Variants in OPCML observed in about 807,000 individuals in gnomAD.
OPCML encodes the protein opioid binding protein/cell adhesion molecule like.
Under a neutral mutation model 37.8 loss-of-function variants are expected in OPCML, and 13 were observed. The ratio of observed to expected loss-of-function variants is 0.34; its 90% CI spans 0.22 to 0.55. The LOEUF (loss-of-function observed/expected upper bound fraction) is 0.55, where lower values mean the gene tolerates loss of function less well. OPCML is among the 20% of genes least tolerant of loss of function. The pLI is 0.91. For synonymous variants in OPCML, 176 were observed against 168.8 expected (o/e 1.04, Z -0.33); for missense variants, 341 against 435.6 (o/e 0.78, Z 1.93).
chr11:132,970,595 T>C (rs1946319969), intron 1 of OPCML, among the ~76,000 whole-genome samples: 1 of 152,288 alleles, frequency 6.6e-6, no homozygotes, highest in Non-Finnish European at 1.5e-5. Context: ...ACTTTACTTT[T>C]TTTCCAGCTA....
chr11:132,773,201 A>G (rs1168209683), intron 2 of OPCML: 1 of 152,164 alleles, frequency 6.6e-6, no homozygotes, highest in Non-Finnish European at 1.5e-5. Context: ...TCCACTCAGC[A>G]GTGCTGAGAT....
intron 3 of OPCML, among the ~76,000 whole-genome samples, chr11:132,538,333 C>T (rs1175792490): frequency 6.6e-6 from 1 of 152,098 alleles, no homozygotes; most frequent in Non-Finnish European, 1.5e-5. Flanking sequence ...TGATTCCATT[C>T]ATGTAGGATA....
chr11:133,092,258 A>C (rs1260788677), intron 1 of OPCML, among the ~76,000 whole-genome samples: 2 of 152,218 alleles, frequency 1.3e-5, no homozygotes, highest in African/African-American at 4.8e-5. Flanking sequence ...TGTGAGAAAT[A>C]AATGTCTGTT....
At position 133,277,900 on chromosome 11, in the gene OPCML, C is replaced by T. The variant is rs147495638; in HGVS notation, c.61+254364G>A. Among the ~76,000 whole-genome samples, 8 of 152,196 alleles carry T rather than the reference C, an allele frequency of 5.3e-5. No homozygotes were observed. In the East Asian group the frequency reaches 5.8e-4, roughly 11 times the overall value. ...GGGAGGAAAATGAGACTAGGAGACA[C>T]GGAGTAACTAGTTGCCCAAGGTCAC... is the stretch of plus-strand genomic sequence containing the variant. On this transcript the variant is annotated intron_variant, in intron 1 of 7. Transcript: ENST00000524381.
chr11:132,820,849 G>A (rs118030154), intron 2 of OPCML, among the ~76,000 whole-genome samples: 43 of 152,166 alleles, frequency 2.8e-4, no homozygotes, highest in Middle Eastern at 3.4e-3. Flanking sequence ...TTCTTTCCCC[G>A]CACCTCCTCC....
intron 1 of OPCML, among the ~76,000 whole-genome samples, chr11:133,460,497 A>C (rs984903123): frequency 6.6e-6 from 1 of 151,880 alleles, no homozygotes; most frequent in Non-Finnish European, 1.5e-5. Flanking sequence ...AAGACAAAAA[A>C]ATCAGCATGG....
chr11:132,608,462 G>A (rs1186230020), intron 3 of OPCML, among the ~76,000 whole-genome samples: 1 of 152,190 alleles, frequency 6.6e-6, no homozygotes, highest in African/African-American at 2.4e-5. Context: ...TTTTAATTAA[G>A]TAAGGCTTTA....
intron 1 of OPCML, among the ~76,000 whole-genome samples, chr11:133,095,408 G>T (rs1565444760): frequency 6.8e-6 from 1 of 146,510 alleles, no homozygotes; most frequent in Non-Finnish European, 1.5e-5. Flanking sequence ...TTTGAGTTAT[G>T]GGAAGGAATT....
At chr11:133,261,354 C>T (rs144287654) in intron 1 of OPCML, among the ~76,000 whole-genome samples, 7 of 152,306 alleles carry the variant, frequency 4.6e-5, no homozygotes, top group African/African-American at 1.4e-4. Context: ...ATGTCTGTCC[C>T]CCCCATCTTT....
At chr11:133,516,833 T>C (rs191463463) in intron 1 of OPCML, among the ~76,000 whole-genome samples, 2 of 152,368 alleles carry the variant, frequency 1.3e-5, no homozygotes, top group Admixed American at 6.5e-5. Context: ...GTCTTTTTTA[T>C]TTTTTATATA....
At chr11:133,332,057 A>T (rs1450428668) in intron 1 of OPCML, among the ~76,000 whole-genome samples, 1 of 152,206 alleles carries the variant, frequency 6.6e-6, no homozygotes, top group Non-Finnish European at 1.5e-5. Flanking sequence ...GATTCTTCCT[A>T]TCCATGAGCA....
intron 2 of OPCML, among the ~76,000 whole-genome samples, chr11:132,832,492 T>A (rs1265203366): frequency 6.6e-6 from 1 of 152,230 alleles, no homozygotes; most frequent in Non-Finnish European, 1.5e-5. Context: ...TCTGAAATGA[T>A]GTGCAACTTA....
intron 1 of OPCML, among the ~76,000 whole-genome samples, chr11:133,286,885 C>A (rs1942314326): frequency 6.6e-6 from 1 of 152,220 alleles, no homozygotes; most frequent in Non-Finnish European, 1.5e-5. Flanking sequence ...ATCTGAGGCA[C>A]TGTGCAGAGG....
intron 2 of OPCML, among the ~76,000 whole-genome samples, chr11:132,762,232 T>C (rs546406023): frequency 6.9e-4 from 105 of 152,176 alleles, no homozygotes; most frequent in Non-Finnish European, 1.3e-3. Flanking sequence ...AGCTCTCCTG[T>C]ATGAGGTGTC....
chr11:132,823,343 G>A (rs911930208), intron 2 of OPCML, among the ~76,000 whole-genome samples: 4 of 152,090 alleles, frequency 2.6e-5, no homozygotes, highest in African/African-American at 7.2e-5. Context: ...AATGTATTTA[G>A]GAAACTATCC....
At chr11:132,422,415 C>A (rs1232590021) in intron 7 of OPCML, among the ~76,000 whole-genome samples, 2 of 152,122 alleles carry the variant, frequency 1.3e-5, no homozygotes, top group African/African-American at 4.8e-5. Context: ...TGGTGGTGAG[C>A]AGCAGTTGCC....
At chr11:132,530,736 AC>A (rs1490981116) in intron 3 of OPCML, among the ~76,000 whole-genome samples, 1 of 151,802 alleles carries the variant, frequency 6.6e-6, no homozygotes, top group Non-Finnish European at 1.5e-5. Flanking sequence ...CTGGAGTCGA[AC>A]CCCCAAACCC....
intron 2 of OPCML, among the ~76,000 whole-genome samples, chr11:132,698,452 G>A (rs1385031104): frequency 6.6e-6 from 1 of 152,076 alleles, no homozygotes; most frequent in Non-Finnish European, 1.5e-5. Context: ...TTTGAAAAAT[G>A]TCCGTTCAGG....
intron 1 of OPCML, among the ~76,000 whole-genome samples, chr11:133,387,715 T>C (rs1056630332): frequency 6.6e-6 from 1 of 152,208 alleles, no homozygotes. Context: ...AGGCAAAATC[T>C]CTGTCCACAT....
Sources: gnomAD v4.1 joint callset for allele counts (sites outside exome capture counted in the v4.1 genomes callset) on GRCh38, gnomAD v4.1.1 for gene constraint, MANE v1.5 for transcripts, NCBI Gene and HGNC (gene_info 2026-07-23, HGNC 2026-07-21) for gene names.